CADPS: variants seen among roughly 807,000 people sequenced by gnomAD.
CADPS encodes calcium-dependent secretion activator 1.
A neutral mutation model predicts 167.3 loss-of-function variants in CADPS; 57 were observed. That is an observed-to-expected ratio of 0.34 (90% CI 0.28 to 0.42). The LOEUF (loss-of-function observed/expected upper bound fraction) is 0.42, where lower values mean the gene tolerates loss of function less well. CADPS is among the 20% of genes least tolerant of loss of function. The pLI, the probability that CADPS is intolerant of heterozygous loss-of-function variation, is 1.00. For synonymous variants in CADPS, 676 were observed against 635.3 expected (o/e 1.06, Z -0.96); for missense variants, 1,414 against 1,738.1 (o/e 0.81, Z 3.32).
chr3:62,497,428 A>G (rs890918943), intron 18 of CADPS, among the ~76,000 whole-genome samples: 1 of 152,214 alleles, frequency 6.6e-6, no homozygotes, highest in Non-Finnish European at 1.5e-5. Context: ...GAGCCCCTCC[A>G]TGCCTCTGGA....
intron 3 of CADPS, among the ~76,000 whole-genome samples, chr3:62,701,438 T>G (rs1465676782): frequency 6.6e-6 from 1 of 150,464 alleles, no homozygotes; most frequent in Non-Finnish European, 1.5e-5. Flanking sequence ...CACTGAGGAG[T>G]CTCTTTCCAA....
intron 28 of CADPS, among the ~76,000 whole-genome samples, chr3:62,423,063 C>T (rs973537750): frequency 6.6e-6 from 1 of 152,152 alleles, no homozygotes; most frequent in Non-Finnish European, 1.5e-5. Flanking sequence ...AGACCTACCC[C>T]TTAGTTAGGC....
intron 28 of CADPS, among the ~76,000 whole-genome samples, chr3:62,425,869 T>C (rs2052546100): frequency 6.6e-6 from 1 of 152,210 alleles, no homozygotes; most frequent in Admixed American, 6.5e-5. Flanking sequence ...GACTCCTGCC[T>C]CTTTCGCCTC....
At chr3:62,474,751 G>A (rs964648646) in intron 23 of CADPS, among the ~76,000 whole-genome samples, 1 of 152,096 alleles carries the variant, frequency 6.6e-6, no homozygotes, top group Non-Finnish European at 1.5e-5. Context: ...ACCTCGTGGT[G>A]GGGAAAAAAA....
intron 6 of CADPS, among the ~76,000 whole-genome samples, chr3:62,639,939 C>T (rs887636444): frequency 6.6e-6 from 1 of 152,134 alleles, no homozygotes; most frequent in Non-Finnish European, 1.5e-5. Flanking sequence ...TACTTTCTAT[C>T]ACAGCAGCCT....
chr3:62,466,586 G>A (rs2059960620), intron 24 of CADPS, 173 bp from the exon 25 acceptor site: 1 of 659,154 alleles, frequency 1.5e-6, no homozygotes, highest in Non-Finnish European at 2.7e-6. Context: ...GATAGAGAGA[G>A]ATCTGAAGCT....
At chr3:62,566,461 G>A (rs1003513112) in intron 9 of CADPS, among the ~76,000 whole-genome samples, 3 of 152,180 alleles carry the variant, frequency 2.0e-5, no homozygotes, top group Non-Finnish European at 4.4e-5. Flanking sequence ...CTCTGAATTG[G>A]ACCAGCACTG....
At chr3:62,518,283 C>T in intron 13 of CADPS, 33 bp from the exon 14 acceptor site, 3 of 1,477,696 alleles carry the variant, frequency 2.0e-6, no homozygotes, top group Non-Finnish European at 2.8e-6. Flanking sequence ...ATGACGGGAA[C>T]CTCATATGCT....
intron 3 of CADPS, among the ~76,000 whole-genome samples, chr3:62,733,018 A>G (rs2078231888): frequency 6.6e-6 from 1 of 152,224 alleles, no homozygotes; most frequent in Non-Finnish European, 1.5e-5. Flanking sequence ...CTCCCTGATA[A>G]TCTAGAGACT....
chr3:62,770,803 C>G (rs977590265), intron 1 of CADPS, among the ~76,000 whole-genome samples: 1 of 152,142 alleles, frequency 6.6e-6, no homozygotes, highest in African/African-American at 2.4e-5. Flanking sequence ...TACCCAGACC[C>G]CAGAAGCTCC....
chr3:62,555,066 T>C (rs1353609715), intron 10 of CADPS, among the ~76,000 whole-genome samples: 1 of 152,156 alleles, frequency 6.6e-6, no homozygotes, highest in East Asian at 1.9e-4. Flanking sequence ...AATCACTCTT[T>C]AAAAAATTCT....
chr3:62,448,437 T>C (rs904795479), intron 26 of CADPS, among the ~76,000 whole-genome samples: 1 of 152,166 alleles, frequency 6.6e-6, no homozygotes, highest in African/African-American at 2.4e-5. Flanking sequence ...CCACTCTCCC[T>C]CATGCACCAG....
chr3:62,777,715 A>C (rs2090648581), intron 1 of CADPS, among the ~76,000 whole-genome samples: 1 of 152,200 alleles, frequency 6.6e-6, no homozygotes, highest in Non-Finnish European at 1.5e-5. Flanking sequence ...TCCTCTAAAA[A>C]ATAAAGTGTA....
chr3:62,569,955 T>A (rs1159209599), intron 9 of CADPS, among the ~76,000 whole-genome samples: 1 of 152,190 alleles, frequency 6.6e-6, no homozygotes, highest in Non-Finnish European at 1.5e-5. Flanking sequence ...TTACTATTTC[T>A]GGAAAAAAAT....
At chr3:62,621,730 T>C (rs552479521) in intron 6 of CADPS, among the ~76,000 whole-genome samples, 70 of 152,074 alleles carry the variant, frequency 4.6e-4, no homozygotes, top group African/African-American at 1.6e-3. Context: ...TCTGATCCTC[T>C]CCTTCCTTGC....
At chr3:62,405,311 G>A (rs1708040181) in intron 28 of CADPS, among the ~76,000 whole-genome samples, 2 of 151,926 alleles carry the variant, frequency 1.3e-5, no homozygotes, top group Admixed American at 1.3e-4. Flanking sequence ...GAGGAGTGTG[G>A]CACTCTGGCT....
chr3:62,501,494 T>C (rs2065759124), intron 17 of CADPS, among the ~76,000 whole-genome samples: 1 of 152,178 alleles, frequency 6.6e-6, no homozygotes, highest in South Asian at 2.1e-4. Flanking sequence ...CTATGCTTAT[T>C]ACCCATTCGA....
chr3:62,636,246 T>A (rs1008503563), intron 6 of CADPS, among the ~76,000 whole-genome samples: 1 of 152,212 alleles, frequency 6.6e-6, no homozygotes, highest in African/African-American at 2.4e-5. Flanking sequence ...TCACCTACCA[T>A]AACAATGACA....
At chr3:62,628,413 A>AT (rs1026699137) in intron 6 of CADPS, among the ~76,000 whole-genome samples, 1 of 152,110 alleles carries the variant, frequency 6.6e-6, no homozygotes, top group South Asian at 2.1e-4. Context: ...TATTTAATGA[A>AT]TTTTTTTGAA....
Sources: gnomAD v4.1 joint callset for allele counts (sites outside exome capture counted in the v4.1 genomes callset) on GRCh38, gnomAD v4.1.1 for gene constraint, MANE v1.5 for transcripts, NCBI Gene and HGNC (gene_info 2026-07-23, HGNC 2026-07-21) for gene names.